AMPH: variants seen among roughly 807,000 people sequenced by gnomAD.
AMPH encodes amphiphysin.
A neutral mutation model predicts 99.1 loss-of-function variants in AMPH; 49 were observed. The ratio of observed to expected loss-of-function variants is 0.49; its 90% CI spans 0.39 to 0.63. The LOEUF (loss-of-function observed/expected upper bound fraction) is 0.63. Among genes scored for constraint, AMPH ranks in the 20% least tolerant of loss-of-function variants. The pLI, the probability that AMPH is intolerant of heterozygous loss-of-function variation, is 0.00. For synonymous variants in AMPH, 314 were observed against 317.3 expected (o/e 0.99, Z 0.11); for missense variants, 759 against 863.4 (o/e 0.88, Z 1.52).
At chr7:38,473,681 G>A (rs1448036448) in intron 7 of AMPH, among the ~76,000 whole-genome samples, 3 of 101,938 alleles carry the variant, frequency 2.9e-5, no homozygotes, top group East Asian at 3.3e-4. Flanking sequence ...TCCGCAGTCC[G>A]ACCTGGGCGA....
intron 1 of AMPH, among the ~76,000 whole-genome samples, chr7:38,586,868 C>T (rs1035699470): frequency 5.3e-5 from 8 of 152,182 alleles, no homozygotes; most frequent in Non-Finnish European, 1.5e-5. Flanking sequence ...GATGAAGAAA[C>T]AGAGGTTTAG....
At chr7:38,438,846 G>A (rs1990586) in intron 11 of AMPH, among the ~76,000 whole-genome samples, 93,584 of 151,602 alleles carry the variant, frequency 0.62, 29,696 homozygotes, top group East Asian at 0.86. Context: ...TGTACGTAAT[G>A]TCTAGGAAAT....
At chr7:38,430,202 T>A in intron 13 of AMPH, 1 of 300,880 alleles carries the variant, frequency 3.3e-6, no homozygotes, top group Non-Finnish European at 6.1e-6. Flanking sequence ...CGGAATAAGA[T>A]CAAGCACTAG....
intron 2 of AMPH, 39 bp from the exon 3 acceptor site, chr7:38,503,743 TA>T: frequency 6.3e-7 from 1 of 1,598,994 alleles, no homozygotes; most frequent in Non-Finnish European, 8.6e-7. Context: ...ATCTAGTCTA[TA>T]TTCTGCATGA....
chr7:38,585,941 AT>A (rs1466130640), intron 1 of AMPH, among the ~76,000 whole-genome samples: 1 of 152,172 alleles, frequency 6.6e-6, no homozygotes, highest in South Asian at 2.1e-4. Flanking sequence ...AGCCTGAGAG[AT>A]TTTTTTCTAA....
At chr7:38,464,889 T>C (rs181489588) in intron 9 of AMPH, among the ~76,000 whole-genome samples, 15 of 152,258 alleles carry the variant, frequency 9.9e-5, no homozygotes, top group East Asian at 5.8e-4. Flanking sequence ...CCTGGCAAGG[T>C]AGACAGGTCA....
At chr7:38,578,488 G>A (rs1168325102) in intron 1 of AMPH, among the ~76,000 whole-genome samples, 1 of 152,160 alleles carries the variant, frequency 6.6e-6, no homozygotes, top group East Asian at 1.9e-4. Context: ...TAGGTGAACT[G>A]CAGAGCCTCA....
intron 5 of AMPH, among the ~76,000 whole-genome samples, chr7:38,477,983 G>C (rs2129015221): frequency 6.6e-6 from 1 of 152,228 alleles, no homozygotes; most frequent in Non-Finnish European, 1.5e-5. Context: ...AACTTGGGCA[G>C]GGAAGGAAAC....
chr7:38,570,166 A>G (rs538903623), intron 1 of AMPH, among the ~76,000 whole-genome samples: 90 of 152,292 alleles, frequency 5.9e-4, no homozygotes, highest in African/African-American at 2.0e-3. Context: ...TTTTGGTGAG[A>G]AAATAATACT....
intron 1 of AMPH, among the ~76,000 whole-genome samples, chr7:38,573,714 A>G (rs1337425874): frequency 3.9e-5 from 6 of 152,142 alleles, no homozygotes; most frequent in Admixed American, 6.5e-5. Flanking sequence ...TTTCCTTCTG[A>G]TTAATTTATA....
intron 1 of AMPH, among the ~76,000 whole-genome samples, chr7:38,609,483 G>A (rs891513780): frequency 6.6e-6 from 1 of 152,138 alleles, no homozygotes; most frequent in Admixed American, 6.5e-5. Flanking sequence ...GCACACTGTA[G>A]AGAGCCTGAG....
At chr7:38,407,021 C>CCTCTCTCTCTCT (rs71558121) in intron 17 of AMPH, among the ~76,000 whole-genome samples, 156 of 3,678 alleles carry the variant, frequency 0.042, 29 homozygotes, top group East Asian at 0.077. Context: ...CTAATAGACT[C>CCTCTCTCTCTCT]CTCTCTCTCT....
chr7:38,418,776 G>A (rs1040330332), intron 16 of AMPH, among the ~76,000 whole-genome samples: 4 of 152,124 alleles, frequency 2.6e-5, no homozygotes, highest in Non-Finnish European at 5.9e-5. Context: ...TGTAGGCAGG[G>A]TGAGGTCTTT....
intron 1 of AMPH, among the ~76,000 whole-genome samples, chr7:38,626,651 T>C (rs2129072792): frequency 6.6e-6 from 1 of 152,278 alleles, no homozygotes; most frequent in South Asian, 2.1e-4. Flanking sequence ...ACTCTATGAC[T>C]AAAACACCAA....
At chr7:38,562,292 T>C (rs1791582445) in intron 1 of AMPH, among the ~76,000 whole-genome samples, 1 of 152,226 alleles carries the variant, frequency 6.6e-6, no homozygotes, top group African/African-American at 2.4e-5. Flanking sequence ...GTCATCATTG[T>C]CTGGCAGCAC....
chr7:38,484,737 T>C (rs1217316219), intron 5 of AMPH, among the ~76,000 whole-genome samples: 1 of 152,008 alleles, frequency 6.6e-6, no homozygotes, highest in Non-Finnish European at 1.5e-5. Context: ...TCACTTTCAA[T>C]TCTAGTATAA....
chr7:38,427,182 AAAG>A (rs1449703202), intron 14 of AMPH, among the ~76,000 whole-genome samples, 196 bp from the exon 15 acceptor site: 1 of 151,280 alleles, frequency 6.6e-6, no homozygotes, highest in African/African-American at 2.5e-5. Context: ...ACAAAAAAAA[AAAG>A]AAAGGTTAAT....
intron 1 of AMPH, among the ~76,000 whole-genome samples, chr7:38,560,926 ATATGT>A (rs1305737432): frequency 1.3e-5 from 2 of 152,194 alleles, no homozygotes; most frequent in African/African-American, 4.8e-5. Flanking sequence ...TGGCTAAATG[ATATGT>A]TATATTTATT....
intron 16 of AMPH, chr7:38,420,883 T>C: frequency 2.2e-6 from 1 of 449,680 alleles, no homozygotes. Flanking sequence ...CTGGGAGATG[T>C]ACAGCTGATT....
Sources: gnomAD v4.1 joint callset for allele counts (sites outside exome capture counted in the v4.1 genomes callset) on GRCh38, gnomAD v4.1.1 for gene constraint, MANE v1.5 for transcripts, NCBI Gene and HGNC (gene_info 2026-07-23, HGNC 2026-07-21) for gene names.